The following CFAP65 variants were observed in gnomAD, a reference collection of about 807,000 sequenced individuals.
The protein encoded by CFAP65 is cilia and flagella associated protein 65, also known as cilia- and flagella-associated protein 65.
A neutral mutation model predicts 208.0 loss-of-function variants in CFAP65; 155 were observed. The ratio of observed to expected loss-of-function variants is 0.75; its 90% CI spans 0.65 to 0.85. The LOEUF (loss-of-function observed/expected upper bound fraction) is 0.85, where lower values mean the gene tolerates loss of function less well. Ranked by LOEUF, CFAP65 falls within the 40% of genes least tolerant of loss-of-function variation. The pLI is 0.00. For missense variants in CFAP65, 2,294 were observed against 2,451.3 expected (o/e 0.94, Z 1.36); for synonymous variants, 970 against 986.3 (o/e 0.98, Z 0.31).
chr2:219,038,306 TGCCCTGCCACCCATGCCCCGCCCTG>T (rs1948478906), intron 4 of CFAP65, 44 bp downstream of exon 4: 2 of 1,487,490 alleles, frequency 1.3e-6, no homozygotes, highest in Admixed American at 1.8e-5. Context: ...CCCACCCCAC[TGCCCTGCCACCCATGCCCCGCCCTG>T]GCCCTGCCAC....
At position 219,028,366 on chromosome 2, in the gene CFAP65, G is replaced by A; in HGVS notation, c.1686C>T (p.His562=). Residue 562 remains histidine, a synonymous_variant, in exon 12 of 35, where the codon CAC becomes CAT. Transcript: ENST00000341552. ...PLFLDLMGTC[H]SDSTKPAILK... ...GGATGGCTGGCTTGGTGCTGTCCGA[G>A]TGGCAGGTCCCCATCAGGTCCAGGA... The A allele has an allele frequency of 6.2e-7, 1 of 1,613,656 alleles. No homozygotes were observed. Among genetic ancestry groups the A allele is most frequent in the Non-Finnish European group, 8.5e-7 (1 of 1,179,964 alleles).
In CFAP65 at chr2:219,030,142, G is replaced by A. The variant is rs544739894; in HGVS notation, c.1228C>T (p.Pro410Ser). ...GGAAGCACGATGCCATGGGCCGTGG[G>A]GCATGAGAAGGCCTGGTCTTCGGCC... ...ELAEDQAFSC[P>S]TAHGIVLPGE... is the part of the protein sequence containing the mutation. Residue 410 changes from proline to serine, a missense_variant, in exon 10 of 35, where the codon CCC becomes TCC. This residue lies in a region of CFAP65 where 867 missense variants were observed against 1,012.6 expected (regional missense o/e 0.86). Transcript: ENST00000341552. 42 of 1,614,016 alleles carry A rather than the reference G, an allele frequency of 2.6e-5. No homozygotes were observed. Among genetic ancestry groups the A allele is most frequent in the African/African-American group, 8.0e-5 (6 of 74,896 alleles).
At chr2:219,040,652 G>T in intron 1 of CFAP65, 88 bp from the exon 2 acceptor site, 1 of 1,549,812 alleles carries the variant, frequency 6.5e-7, no homozygotes, top group Admixed American at 2.0e-5. Context: ...TCTGACCTCA[G>T]GGGACTGTAC....
intron 4 of CFAP65, among the ~76,000 whole-genome samples, chr2:219,037,717 G>A (rs763523729): frequency 2.0e-5 from 3 of 152,174 alleles, no homozygotes; most frequent in Non-Finnish European, 2.9e-5. Flanking sequence ...AAACAGGCCC[G>A]GAATGGCACA....
At chr2:219,039,099 G>A (rs1357837110) in intron 2 of CFAP65, 49 bp from the exon 3 acceptor site, 2 of 1,501,954 alleles carry the variant, frequency 1.3e-6, no homozygotes, top group Admixed American at 4.1e-5. Context: ...CAGAGCAGAG[G>A]GATCCTCGAT....
chr2:219,023,125 G>T, intron 16 of CFAP65, 82 bp downstream of exon 16: 1 of 1,219,054 alleles, frequency 8.2e-7, no homozygotes, highest in Non-Finnish European at 1.2e-6. Flanking sequence ...GCTGCACATG[G>T]CAAGTCTGGG....
At position 219,028,198 on chromosome 2, in the gene CFAP65, T is replaced by C. The variant is rs1482188869; in HGVS notation, c.1851+3A>G. 2 of 1,613,746 alleles carry C rather than the reference T, an allele frequency of 1.2e-6. No homozygotes were observed. Among genetic ancestry groups the C allele is most frequent in the Admixed American group, 1.7e-5 (1 of 59,986 alleles). ...GGATATGCAGCTGGGGAGGGCACTG[T>C]ACCTGGATGGGAATCATGAGAGCCC... On this transcript the variant is annotated splice_donor_region_variant and intron_variant, in intron 12 of 34. Coordinates refer to ENST00000341552, the MANE Select transcript of CFAP65 (RefSeq NM_194302.4).
Position 219,006,588 on chromosome 2 carries a change from C to T in CFAP65, c.4675-79G>A, listed in dbSNP as rs1687158169. ...GTGCTTCATGCCTGTAATCCCAGCA[C>T]TTTGGAAGGCCAAGGCGGGCGGATC... On this transcript the variant is annotated intron_variant, in intron 29 of 34. Transcript: ENST00000341552. The T allele has an allele frequency of 4.9e-6, 7 of 1,414,332 alleles. No homozygotes were observed. In the East Asian group the frequency reaches 1.1e-4, roughly 23 times the overall value. 87.6% of individuals were successfully genotyped at this position (1,414,332 alleles called of 1,614,324 possible).
chr2:219,028,091 A>G lies in CFAP65; in HGVS notation c.1852-82T>C, dbSNP rs1156392516. 3 of 1,543,106 alleles carry G rather than the reference A, an allele frequency of 1.9e-6. No individual in the cohort carries two copies. The East Asian group carries it at 6.8e-5, about 35-fold the overall frequency. On this transcript the variant is annotated intron_variant, in intron 12 of 34. Transcript: ENST00000341552. The stretch of plus-strand genomic sequence containing the variant: ...CCTCCTGGGTACACTCCTGTCTAGA[A>G]AGGCTACACCAGTCGCCCTGACTAC...
Position 219,024,027 on chromosome 2 carries a change from G to T in CFAP65, c.2583C>A (p.Pro861=). Residue 861 remains proline, a synonymous_variant, in exon 15 of 35, where the codon CCC becomes CCA. Transcript: ENST00000341552. ...CTCTGCCTCCTACCTTGAGATACTG[G>T]GGGGAAGCATTGCACTGCAGATAGA... ...HTFYLQCNAS[P]QYLKEVSMYS... 6.2e-7 allele frequency: 1 copy of T among 1,613,654 alleles called. No homozygotes were observed. Among genetic ancestry groups the T allele is most frequent in the South Asian group, 1.1e-5 (1 of 91,066 alleles).
chr2:219,014,283 T>G (rs1946691697), intron 21 of CFAP65: 1 of 379,466 alleles, frequency 2.6e-6, no homozygotes, highest in Non-Finnish European at 4.7e-6. Flanking sequence ...AAGTGAAGAG[T>G]GGGGCTCCCA....
chr2:219,036,398 C>T (rs1043781877), intron 4 of CFAP65, among the ~76,000 whole-genome samples: 5 of 151,336 alleles, frequency 3.3e-5, no homozygotes, highest in Non-Finnish European at 7.4e-5. Flanking sequence ...GATGCCTCCT[C>T]CAACCACAGT....
At chr2:219,016,417 C>G (rs1946890906) in intron 21 of CFAP65, among the ~76,000 whole-genome samples, 1 of 151,378 alleles carries the variant, frequency 6.6e-6, no homozygotes, top group Non-Finnish European at 1.5e-5. Context: ...GCCTCAGCCT[C>G]CTGAGTAGCT....
chr2:219,024,470 AG>A (rs1244524977), intron 14 of CFAP65, among the ~76,000 whole-genome samples: 1 of 6,952 alleles, frequency 1.4e-4, no homozygotes, highest in Admixed American at 1.9e-3. Flanking sequence ...ACCTCCAGAA[AG>A]GGGCGGGGGG....
At chr2:219,028,682 C>A (rs776085422) in intron 11 of CFAP65, among the ~76,000 whole-genome samples, 2 of 152,124 alleles carry the variant, frequency 1.3e-5, no homozygotes, top group African/African-American at 2.4e-5. Flanking sequence ...TCCCACCCAC[C>A]CTACTGCCAG....
chr2:219,026,484 A>C, intron 13 of CFAP65: 1 of 230,668 alleles, frequency 4.3e-6, no homozygotes, highest in Non-Finnish European at 8.4e-6. Context: ...TGAGCCACAA[A>C]TGCCAGCCGC....
intron 5 of CFAP65, among the ~76,000 whole-genome samples, chr2:219,033,107 C>T (rs181729418): frequency 6.6e-6 from 1 of 152,086 alleles, no homozygotes; most frequent in Admixed American, 6.5e-5. Flanking sequence ...CAAAACTGAC[C>T]CAAGAATTGT....
At chr2:219,010,523 C>G in intron 26 of CFAP65, 23 bp downstream of exon 26, 1 of 1,601,946 alleles carries the variant, frequency 6.2e-7, no homozygotes, top group Non-Finnish European at 8.5e-7. Context: ...GGCCTCAGGC[C>G]TTCCTAGCTC....
At position 219,009,374 on chromosome 2, in the gene CFAP65, G is replaced by A; in HGVS notation, c.4539C>T (p.Ser1513=). The A allele has an allele frequency of 2.5e-6, 4 of 1,612,496 alleles. No individual in the cohort carries two copies. Among genetic ancestry groups the A allele is most frequent in the Non-Finnish European group, 3.4e-6 (4 of 1,179,738 alleles). ...VVTLRASVHA[S]FYSADLVCKL... Reference sequence around the variant, plus strand: ...TGCATACCAGGTCTGCACTGTAGAAGCTGGCATGCACAGAGGCCCTCAAGG... The same window carrying A: ...TGCATACCAGGTCTGCACTGTAGAAACTGGCATGCACAGAGGCCCTCAAGG... The change falls in exon 28 of 35, where the codon AGC becomes AGT. Residue 1513 remains serine, a synonymous_variant. Coordinates refer to ENST00000341552, the MANE Select transcript of CFAP65 (RefSeq NM_194302.4).
Sources: allele counts gnomAD v4.1 joint callset (sites outside exome capture counted in the v4.1 genomes callset), GRCh38; gene constraint gnomAD v4.1.1; regional missense constraint gnomAD v4.1.1; transcripts MANE v1.5; gene names NCBI Gene and HGNC (gene_info 2026-07-23, HGNC 2026-07-21).